The following REV3L variants were observed in gnomAD, a reference collection of about 807,000 sequenced individuals.
REV3L encodes the protein DNA polymerase zeta catalytic subunit.
In REV3L, 69 loss-of-function variants were observed where a neutral mutation model predicts 299.4. The ratio of observed to expected loss-of-function variants is 0.23; its 90% CI spans 0.19 to 0.28. The LOEUF (loss-of-function observed/expected upper bound fraction) is 0.28. Ranked by LOEUF, REV3L falls within the 10% of genes least tolerant of loss-of-function variation. The pLI, the probability that REV3L is intolerant of heterozygous loss-of-function variation, is 1.00. For missense variants in REV3L, 3,128 were observed against 3,693.8 expected, an observed-to-expected ratio of 0.85 and a Z score of 3.97; for synonymous variants, 1,238 against 1,271.4, an observed-to-expected ratio of 0.97 and a Z score of 0.56.
chr6:111,337,801 G>T (rs1049884579), intron 21 of REV3L, among the ~76,000 whole-genome samples: 1 of 152,108 alleles, frequency 6.6e-6, no homozygotes, highest in Non-Finnish European at 1.5e-5. Context: ...CTGAAATAAT[G>T]CATTATGTAC....
chr6:111,426,980 T>G (rs1027429976), intron 1 of REV3L, among the ~76,000 whole-genome samples: 1 of 152,200 alleles, frequency 6.6e-6, no homozygotes, highest in African/African-American at 2.4e-5. Flanking sequence ...TTCAGATAAT[T>G]TAGCCAGAAT....
At chr6:111,367,093 T>G (rs766552249) in intron 14 of REV3L, 22 bp downstream of exon 14, 60 of 1,513,098 alleles carry the variant, frequency 4.0e-5, no homozygotes, top group Non-Finnish European at 5.1e-5. Flanking sequence ...TTATGGAGAC[T>G]TCCTGTTATT....
intron 31 of REV3L, among the ~76,000 whole-genome samples, chr6:111,303,166 T>TTTCTTTTG (rs796905375): frequency 7.6e-5 from 1 of 13,120 alleles, no homozygotes; most frequent in Admixed American, 7.9e-4. Context: ...CTTTTCTTTC[T>TTTCTTTTG]TTTTTTTTTT....
chr6:111,406,842 T>C (rs1783682992), intron 3 of REV3L, among the ~76,000 whole-genome samples: 1 of 152,214 alleles, frequency 6.6e-6, no homozygotes, highest in Non-Finnish European at 1.5e-5. Flanking sequence ...AATCATTTTA[T>C]TAACACAGCA....
At chr6:111,345,787 T>A (rs79834385) in intron 20 of REV3L, among the ~76,000 whole-genome samples, 13 of 152,064 alleles carry the variant, frequency 8.5e-5, no homozygotes, top group African/African-American at 2.9e-4. Context: ...TTTTTTTTTT[T>A]AATTTTTAAA....
At chr6:111,438,034 A>T (rs12215743) in intron 1 of REV3L, among the ~76,000 whole-genome samples, 16,140 of 145,226 alleles carry the variant, frequency 0.11, 1,143 homozygotes, top group Middle Eastern at 0.21. Context: ...TTTTATTTTT[A>T]TTTTTTATAG....
chr6:111,411,566 GA>G lies in REV3L; in HGVS notation c.330-13del, dbSNP rs775428277. The G allele has an allele frequency of 1.7e-5, 25 of 1,476,936 alleles. No homozygotes were observed. In the Middle Eastern group the frequency reaches 5.2e-4, roughly 31 times the overall value. The allele number at this position is 1,476,936 out of a possible 1,614,324, so 91.5% of individuals were successfully genotyped here. ...AACCATAAAAAGGCCTGAAATATAA[GA>G]AAAAAAATTTCAAATTATTTTCATA... On this transcript the variant is annotated splice_polypyrimidine_tract_variant and intron_variant, in intron 2 of 31. Coordinates refer to ENST00000368802, the MANE Select transcript of REV3L (RefSeq NM_001372078.1).
intron 1 of REV3L, among the ~76,000 whole-genome samples, chr6:111,430,041 G>C (rs746151110): frequency 2.0e-5 from 3 of 152,124 alleles, no homozygotes; most frequent in African/African-American, 4.8e-5. Flanking sequence ...AGACAAGCAG[G>C]TTCCAGGGGA....
At chr6:111,407,372 C>A (rs1783757287) in intron 3 of REV3L, among the ~76,000 whole-genome samples, 1 of 152,124 alleles carries the variant, frequency 6.6e-6, no homozygotes, top group South Asian at 2.1e-4. Context: ...AGATGAAAGT[C>A]TAAGGCAGAA....
At chr6:111,387,720 A>G (rs371863810) in intron 9 of REV3L, 45 bp downstream of exon 9, 9 of 1,545,986 alleles carry the variant, frequency 5.8e-6, no homozygotes, top group African/African-American at 1.4e-5. Context: ...TCAGTGCTAG[A>G]TATCTGTTCT....
chr6:111,398,745 A>T (rs1220955564), intron 4 of REV3L, among the ~76,000 whole-genome samples: 1 of 152,164 alleles, frequency 6.6e-6, no homozygotes, highest in East Asian at 1.9e-4. Context: ...TAACATGATA[A>T]AATAAAATAA....
At chr6:111,320,215 T>C (rs1375427446) in intron 26 of REV3L, among the ~76,000 whole-genome samples, 1 of 152,156 alleles carries the variant, frequency 6.6e-6, no homozygotes, top group African/African-American at 2.4e-5. Flanking sequence ...ATTACAGGCA[T>C]GCGCCATCAC....
chr6:111,473,082 G>C (rs1302202818), intron 1 of REV3L, among the ~76,000 whole-genome samples: 2 of 152,136 alleles, frequency 1.3e-5, no homozygotes, highest in Non-Finnish European at 2.9e-5. Flanking sequence ...CCAGATACCA[G>C]AGTGACATAC....
Position 111,303,674 on chromosome 6 carries a change from TTTTTTTTTTTTTTTAACAGACTATGAC to T in REV3L, c.9253-3545_9253-3519del, listed in dbSNP as rs1321454524. On this transcript the variant is annotated intron_variant, in intron 31 of 31. Coordinates refer to ENST00000368802, the MANE Select transcript of REV3L (RefSeq NM_001372078.1). The stretch of plus-strand genomic sequence containing the variant: ...GAGCCATGATCCCCAGCCGAGGCTT[TTTTTTTTTTTTTTTAACAGACTATGAC>T]TTTTTTTTTTTTTTTTTTTTTTTTT... Among the ~76,000 whole-genome samples, 15 of 89,344 alleles carry T rather than the reference TTTTTTTTTTTTTTTAACAGACTATGAC, an allele frequency of 1.7e-4. 3 individuals carry two copies. Among genetic ancestry groups the T allele is most frequent in the South Asian group, 1.0e-3 (2 of 1,988 alleles). 58.6% of individuals were successfully genotyped at this position (89,344 alleles called of 152,430 possible).
intron 9 of REV3L, among the ~76,000 whole-genome samples, chr6:111,385,418 A>T (rs1335456024): frequency 6.6e-6 from 1 of 152,148 alleles, no homozygotes; most frequent in East Asian, 1.9e-4. Context: ...TAAAAGTAAA[A>T]TGTAAAATTT....
At chr6:111,434,782 A>G (rs1787358287) in intron 1 of REV3L, among the ~76,000 whole-genome samples, 1 of 152,194 alleles carries the variant, frequency 6.6e-6, no homozygotes, top group Non-Finnish European at 1.5e-5. Flanking sequence ...ATATCTAAGA[A>G]TCAATCCAAC....
chr6:111,320,701 G>A (rs2114774568), intron 26 of REV3L, among the ~76,000 whole-genome samples: 1 of 152,266 alleles, frequency 6.6e-6, no homozygotes, highest in Non-Finnish European at 1.5e-5. Context: ...AGGCTGGAGT[G>A]CAGTGGCATG....
rs1203308307 is a variant in REV3L, at chr6:111,376,498, G to A, written c.1857C>T (p.Asn619=). 9.3e-6 allele frequency: 15 copies of A among 1,612,982 alleles called. No individual in the cohort carries two copies. The highest frequency in any genetic ancestry group is 5.5e-5 in the South Asian group (5 of 90,828). The change falls in exon 13 of 32, where the codon AAC becomes AAT. Residue 619 remains asparagine, a synonymous_variant. Transcript: ENST00000368802. ...GGTATTTCATAGAATAAGTGCTTTC[G>A]TTTGTAAAAGAAGTGACTGAGTTAT... is the stretch of plus-strand genomic sequence containing the variant. ...GLDNSVTSFT[N]ESTYSMKYPG...
chr6:111,466,403 A>G (rs1380726947), intron 1 of REV3L, among the ~76,000 whole-genome samples: 2 of 152,234 alleles, frequency 1.3e-5, no homozygotes, highest in African/African-American at 4.8e-5. Context: ...TAAAAAAAGC[A>G]CATAGAGGAA....
Sources: allele counts gnomAD v4.1 joint callset (sites outside exome capture counted in the v4.1 genomes callset), GRCh38; gene constraint gnomAD v4.1.1; transcripts MANE v1.5; gene names NCBI Gene and HGNC (gene_info 2026-07-23, HGNC 2026-07-21).